The following CACNA2D3 variants were observed in gnomAD, a reference collection of about 807,000 sequenced individuals.
CACNA2D3 encodes calcium voltage-gated channel auxiliary subunit alpha2delta 3.
A neutral mutation model predicts 160.6 loss-of-function variants in CACNA2D3; 60 were observed. The ratio of observed to expected loss-of-function variants is 0.37; its 90% CI spans 0.30 to 0.46. The LOEUF (loss-of-function observed/expected upper bound fraction) is 0.46, where lower values mean the gene tolerates loss of function less well. Among genes scored for constraint, CACNA2D3 ranks in the 20% least tolerant of loss-of-function variants. CACNA2D3 has a pLI of 1.00. For missense variants in CACNA2D3, 1,205 were observed against 1,365.0 expected (o/e 0.88, Z 1.85); for synonymous variants, 558 against 492.9 (o/e 1.13, Z -1.75).
intron 2 of CACNA2D3, among the ~76,000 whole-genome samples, chr3:54,313,118 C>T (rs1387511973): frequency 1.3e-5 from 2 of 152,120 alleles, no homozygotes; most frequent in East Asian, 1.9e-4. Flanking sequence ...TGACAGATGT[C>T]CTCCCAGTAA....
chr3:54,264,568 T>C (rs558124190), intron 2 of CACNA2D3, among the ~76,000 whole-genome samples: 1 of 152,342 alleles, frequency 6.6e-6, no homozygotes, highest in South Asian at 2.1e-4. Flanking sequence ...CTTTAAGTTT[T>C]TTCTTGGCTA....
At chr3:54,523,703 A>T (rs546825637) in intron 5 of CACNA2D3, among the ~76,000 whole-genome samples, 1 of 151,946 alleles carries the variant, frequency 6.6e-6, no homozygotes, top group Non-Finnish European at 1.5e-5. Flanking sequence ...TTGTTTTCAG[A>T]TTATCTATTT....
intron 4 of CACNA2D3, among the ~76,000 whole-genome samples, chr3:54,389,688 ACAT>A (rs747726795): frequency 1.1e-4 from 17 of 152,196 alleles, no homozygotes; most frequent in Non-Finnish European, 2.4e-4. Flanking sequence ...TCATGATAAA[ACAT>A]CAGACAAATC....
intron 2 of CACNA2D3, among the ~76,000 whole-genome samples, chr3:54,150,238 G>A (rs1043117425): frequency 1.2e-4 from 18 of 152,126 alleles, no homozygotes; most frequent in Admixed American, 2.6e-4. Flanking sequence ...TACCTGCTGG[G>A]AACTGAATTT....
At chr3:54,822,030 A>G (rs1474093047) in intron 14 of CACNA2D3, among the ~76,000 whole-genome samples, 1 of 152,170 alleles carries the variant, frequency 6.6e-6, no homozygotes, top group Non-Finnish European at 1.5e-5. Context: ...GAGAACTGAT[A>G]ACTATTTACA....
At chr3:54,186,690 T>A (rs951445794) in intron 2 of CACNA2D3, among the ~76,000 whole-genome samples, 2 of 152,190 alleles carry the variant, frequency 1.3e-5, no homozygotes, top group African/African-American at 2.4e-5. Context: ...TGCTCTCTGC[T>A]GTGTCTGGAT....
chr3:54,422,165 T>G (rs1699845692), intron 4 of CACNA2D3, among the ~76,000 whole-genome samples: 1 of 152,240 alleles, frequency 6.6e-6, no homozygotes, highest in Admixed American at 6.5e-5. Flanking sequence ...GTAACGATGA[T>G]TGCCTGCAGT....
intron 11 of CACNA2D3, among the ~76,000 whole-genome samples, chr3:54,737,896 C>T (rs1359904601): frequency 6.6e-6 from 1 of 152,250 alleles, no homozygotes; most frequent in East Asian, 1.9e-4. Context: ...GAACTCCTGA[C>T]CTCAGGTGAT....
chr3:54,555,812 A>G (rs1048349546), intron 5 of CACNA2D3, among the ~76,000 whole-genome samples: 8 of 152,240 alleles, frequency 5.3e-5, no homozygotes, highest in African/African-American at 1.7e-4. Context: ...TGACCATGCT[A>G]TCCTGGAATT....
intron 3 of CACNA2D3, among the ~76,000 whole-genome samples, chr3:54,376,175 C>T (rs1699008964): frequency 6.6e-6 from 1 of 152,094 alleles, no homozygotes; most frequent in Non-Finnish European, 1.5e-5. Flanking sequence ...CACTTGCCTG[C>T]CCTTTTGCAC....
chr3:54,465,095 C>G (rs1700596520), intron 4 of CACNA2D3, among the ~76,000 whole-genome samples: 1 of 151,342 alleles, frequency 6.6e-6, no homozygotes, highest in South Asian at 2.1e-4. Flanking sequence ...AAAGATCTGT[C>G]TTCACATTCA....
At chr3:55,033,170 G>T (rs1051998828) in intron 35 of CACNA2D3, among the ~76,000 whole-genome samples, 1 of 152,264 alleles carries the variant, frequency 6.6e-6, no homozygotes, top group South Asian at 2.1e-4. Flanking sequence ...TAGGATACCA[G>T]ACTCAAAGCC....
In CACNA2D3 at chr3:54,812,203, G is replaced by A. The variant is rs531764869; in HGVS notation, c.1381-4650G>A. Among the ~76,000 whole-genome samples, 8 of 152,280 alleles carry A rather than the reference G, an allele frequency of 5.3e-5. No homozygotes were observed. In the East Asian group the frequency reaches 7.7e-4, roughly 15 times the overall value. The stretch of plus-strand genomic sequence containing the variant: ...CATTTATGCATACCTCATTGGCCAC[G>A]ACTGAAGCCATTTAACTGCTTATAT... On this transcript the variant is annotated intron_variant, in intron 13 of 37. Coordinates refer to ENST00000474759, the MANE Select transcript of CACNA2D3 (RefSeq NM_018398.3).
chr3:54,918,896 T>G (rs757228971), intron 27 of CACNA2D3: 2 of 1,517,536 alleles, frequency 1.3e-6, no homozygotes, highest in Non-Finnish European at 1.8e-6. Flanking sequence ...AGTCCCCCTT[T>G]AAAAAACAAA....
At chr3:54,467,768 C>A (rs889182210) in intron 4 of CACNA2D3, among the ~76,000 whole-genome samples, 1 of 152,002 alleles carries the variant, frequency 6.6e-6, no homozygotes, top group Admixed American at 6.6e-5. Context: ...TTGATAGGTA[C>A]GAACTACAGT....
chr3:54,626,683 TCAAAAA>T (rs1699117719), intron 9 of CACNA2D3: 4 of 242,640 alleles, frequency 1.6e-5, no homozygotes, highest in Non-Finnish European at 1.9e-5. Context: ...ATGGTTCCAG[TCAAAAA>T]AAAAAAAAAA....
chr3:54,375,923 G>C (rs899386671), intron 3 of CACNA2D3, among the ~76,000 whole-genome samples: 47 of 152,124 alleles, frequency 3.1e-4, no homozygotes, highest in African/African-American at 1.1e-3. Flanking sequence ...GAGCCCACAG[G>C]AATTGCTCAT....
chr3:55,042,792 T>A (rs1013197684), intron 35 of CACNA2D3, among the ~76,000 whole-genome samples: 4 of 152,112 alleles, frequency 2.6e-5, no homozygotes, highest in Non-Finnish European at 4.4e-5. Flanking sequence ...CTATTCCCAG[T>A]CAATCCATTC....
chr3:54,496,375 G>A (rs1701202794), intron 4 of CACNA2D3, among the ~76,000 whole-genome samples: 1 of 152,118 alleles, frequency 6.6e-6, no homozygotes, highest in South Asian at 2.1e-4. Flanking sequence ...TCTGATTGGA[G>A]TTTTATTTTT....
Sources: gnomAD v4.1 joint callset for allele counts (sites outside exome capture counted in the v4.1 genomes callset) on GRCh38, gnomAD v4.1.1 for gene constraint, MANE v1.5 for transcripts, NCBI Gene and HGNC (gene_info 2026-07-23, HGNC 2026-07-21) for gene names.